SHANK2: variants seen among roughly 807,000 people sequenced by gnomAD.
SHANK2 encodes the protein SH3 and multiple ankyrin repeat domains protein 2.
In SHANK2, 43 loss-of-function variants were observed where a neutral mutation model predicts 133.7. The ratio of observed to expected loss-of-function variants is 0.32; its 90% CI spans 0.25 to 0.41. The LOEUF is 0.41. Ranked by LOEUF, SHANK2 falls within the 10% of genes least tolerant of loss-of-function variation. The pLI is 1.00. For missense variants in SHANK2, 1,994 were observed against 2,235.8 expected (o/e 0.89, Z 2.18); for synonymous variants, 1,017 against 952.8 (o/e 1.07, Z -1.24).
intron 4 of SHANK2, among the ~76,000 whole-genome samples, chr11:71,114,996 G>T (rs1190786906): frequency 1.3e-5 from 2 of 152,090 alleles, no homozygotes; most frequent in African/African-American, 4.8e-5. Context: ...CACCGGCTCA[G>T]GACCACAGAC....
intron 25 of SHANK2, among the ~76,000 whole-genome samples, chr11:70,482,147 T>C (rs2058743070): frequency 6.6e-6 from 1 of 152,250 alleles, no homozygotes; most frequent in Admixed American, 6.5e-5. Context: ...ATGCTCTTCA[T>C]CTTTGTCCTC....
At position 70,472,983 on chromosome 11, in the gene SHANK2, G is replaced by A. The variant is rs12285645; in HGVS notation, c.5436C>T (p.Ile1812=). 4.3e-4 allele frequency: 688 copies of A among 1,614,212 alleles called. 1 individual carries two copies. In the African/African-American group the frequency reaches 8.4e-3, roughly 20 times the overall value. The change falls in exon 26 of 26, where the codon ATC becomes ATT. Residue 1812 remains isoleucine, a synonymous_variant. Coordinates refer to ENST00000601538, the MANE Select transcript of SHANK2 (RefSeq NM_012309.5). This position sits in a 1 kb window ranked among gnomAD's most constrained non-coding sequence, Gnocchi z 4.4. ...EHKEAFMDNE[I]DGSHLPNLQK... ...GCAGGTTTGGTAAGTGACTGCCATC[G>A]ATCTCATTGTCCATGAAGGCCTCTT...
intron 14 of SHANK2, among the ~76,000 whole-genome samples, chr11:70,718,246 T>G (rs1945989823): frequency 6.6e-6 from 1 of 152,240 alleles, no homozygotes; most frequent in Non-Finnish European, 1.5e-5. Context: ...TTTCTCATTT[T>G]GCAAGGCTTG....
At chr11:71,142,648 C>T (rs1315039878) in intron 3 of SHANK2, among the ~76,000 whole-genome samples, 4 of 152,016 alleles carry the variant, frequency 2.6e-5, no homozygotes, top group African/African-American at 9.7e-5. Context: ...AGGATCCAAC[C>T]GATAACACAG....
intron 2 of SHANK2, among the ~76,000 whole-genome samples, chr11:71,195,843 C>A (rs1953893161): frequency 6.6e-6 from 1 of 152,102 alleles, no homozygotes; most frequent in Non-Finnish European, 1.5e-5. Context: ...AAGAAAGGAC[C>A]TGGTGTTGGT....
chr11:71,085,096 C>A (rs955365052), intron 8 of SHANK2, among the ~76,000 whole-genome samples: 8 of 152,158 alleles, frequency 5.3e-5, no homozygotes, highest in Non-Finnish European at 1.0e-4. Context: ...TAAAGGAAAT[C>A]TGAAATTAAA....
chr11:70,662,427 G>T (rs374981380), intron 15 of SHANK2, among the ~76,000 whole-genome samples: 1 of 152,208 alleles, frequency 6.6e-6, no homozygotes, highest in Non-Finnish European at 1.5e-5. Context: ...GGCGGGGAGG[G>T]GGAGCGGCTG....
At chr11:70,525,235 G>A (rs2059381069) in intron 17 of SHANK2, among the ~76,000 whole-genome samples, 1 of 152,202 alleles carries the variant, frequency 6.6e-6, no homozygotes. Flanking sequence ...TCTTCTTCTG[G>A]GAAACACCTC....
chr11:70,623,418 T>G (rs2060859723), intron 17 of SHANK2, among the ~76,000 whole-genome samples: 2 of 152,232 alleles, frequency 1.3e-5, no homozygotes, highest in African/African-American at 4.8e-5. Flanking sequence ...TTTATTCATT[T>G]CTTTCTGGCC....
intron 11 of SHANK2, among the ~76,000 whole-genome samples, chr11:70,885,627 G>A (rs1423513017): frequency 6.6e-6 from 1 of 152,176 alleles, no homozygotes; most frequent in East Asian, 1.9e-4. Flanking sequence ...CATCAACAAA[G>A]ACAAGGCACA....
rs184249322 is a variant in SHANK2, at chr11:70,839,632, A to G, written c.1175-18950T>C. ...GGGTTTATTTCAATACAAGAATCCAACTTTTGTAAGGTTTGAGTACCTCCA... is the reference window on the plus strand; with the variant it reads ...GGGTTTATTTCAATACAAGAATCCAGCTTTTGTAAGGTTTGAGTACCTCCA... On this transcript the variant is annotated intron_variant, in intron 11 of 25. Coordinates refer to ENST00000601538, the MANE Select transcript of SHANK2 (RefSeq NM_012309.5). 2.9e-4 allele frequency among the ~76,000 whole-genome samples: 44 copies of G among 152,236 alleles called. No individual in the cohort carries two copies. In the East Asian group the frequency reaches 8.5e-3, roughly 29 times the overall value.
In SHANK2 at chr11:71,104,547, C is replaced by T. The variant is rs116139836; in HGVS notation, c.592+5394G>A. ...GGCTCTGGCCTCTCGTTGGAACTTG[C>T]GTTTAGCTTGTCCCCACTGATACTT... On this transcript the variant is annotated intron_variant, in intron 6 of 25. Transcript: ENST00000601538. Among the ~76,000 whole-genome samples the T allele has an allele frequency of 4.6e-3, 705 of 152,310 alleles. 5 individuals carry two copies. The highest frequency in any genetic ancestry group is 0.016 in the African/African-American group (663 of 41,552).
chr11:70,764,598 TATCC>T (rs149208360), intron 14 of SHANK2, among the ~76,000 whole-genome samples: 1 of 137,026 alleles, frequency 7.3e-6, no homozygotes, highest in African/African-American at 2.7e-5. Flanking sequence ...TGCATCCACA[TATCC>T]ATCCATCCAT....
intron 2 of SHANK2, among the ~76,000 whole-genome samples, chr11:71,165,364 TC>T (rs1266685564): frequency 6.6e-6 from 1 of 152,188 alleles, no homozygotes; most frequent in Non-Finnish European, 1.5e-5. Context: ...GAAATATTTT[TC>T]CCATCTGGGG....
chr11:70,492,017 C>T (rs2058893116), intron 22 of SHANK2, among the ~76,000 whole-genome samples: 1 of 152,214 alleles, frequency 6.6e-6, no homozygotes, highest in African/African-American at 2.4e-5. Flanking sequence ...GGCAAGAGCC[C>T]CTCTGTCTGA....
Position 70,502,258 on chromosome 11 carries a change from G to T in SHANK2, c.2226C>A (p.Thr742=). ...ACTTGGAGCGCAGGGTGAGGGCTGT[G>T]GTCGGTGCCCGCTTTGGAGGCGGGG... ...KAPPPPKRAP[T]TALTLRSKSM... is the part of the protein sequence containing the mutation. The change falls in exon 19 of 26, where the codon ACC becomes ACA. Residue 742 remains threonine, a synonymous_variant. Transcript: ENST00000601538. 2 of 1,558,646 alleles carry T rather than the reference G, an allele frequency of 1.3e-6. No individual in the cohort carries two copies. The highest frequency in any genetic ancestry group is 1.7e-6 in the Non-Finnish European group (2 of 1,149,974).
At chr11:70,644,144 T>G (rs1241335757) in intron 17 of SHANK2, among the ~76,000 whole-genome samples, 4 of 152,204 alleles carry the variant, frequency 2.6e-5, no homozygotes, top group Non-Finnish European at 5.9e-5. Context: ...ATTGCTTTTT[T>G]AAAAATTCCA....
intron 9 of SHANK2, among the ~76,000 whole-genome samples, chr11:71,066,104 G>A (rs1179178898): frequency 0.021 from 85 of 4,146 alleles, no homozygotes; most frequent in East Asian, 0.036. Context: ...GGGGGTGTGT[G>A]CAGAACTCTC....
chr11:71,165,097 G>T lies in SHANK2; in HGVS notation c.-12-17759C>A, dbSNP rs868909004. Among the ~76,000 whole-genome samples the T allele has an allele frequency of 6.0e-5, 9 of 150,524 alleles. No homozygotes were observed. The Middle Eastern group carries it at 0.01, about 172-fold the overall frequency. ...TGCCCAGGCTGGAGTGCAGTGGCAC[G>T]ATCTCGGTTCATTGCAACCTCCACC... On this transcript the variant is annotated intron_variant, in intron 2 of 25. Coordinates refer to ENST00000601538, the MANE Select transcript of SHANK2 (RefSeq NM_012309.5).
Sources: allele counts gnomAD v4.1 joint callset (sites outside exome capture counted in the v4.1 genomes callset), GRCh38; gene constraint gnomAD v4.1.1; non-coding constraint Gnocchi (gnomAD v3.1); transcripts MANE v1.5; gene names NCBI Gene and HGNC (gene_info 2026-07-23, HGNC 2026-07-21).